Variants in VCAM1 observed in about 807,000 individuals in gnomAD.
VCAM1 encodes the protein vascular cell adhesion molecule 1, also known as vascular cell adhesion protein 1.
Under a neutral mutation model 63.8 loss-of-function variants are expected in VCAM1, and 41 were observed. That is an observed-to-expected ratio of 0.64 (90% CI 0.50 to 0.83). The LOEUF is 0.83. VCAM1 is among the 40% of genes least tolerant of loss of function. VCAM1 has a pLI of 0.00. For synonymous variants in VCAM1, 338 were observed against 320.7 expected, an observed-to-expected ratio of 1.05 and a Z score of -0.58; for missense variants, 798 against 875.5, an observed-to-expected ratio of 0.91 and a Z score of 1.12.
chr1:100,731,633 G>C lies in VCAM1; in HGVS notation c.1525+115G>C. 1 of 978,534 alleles carries C rather than the reference G, an allele frequency of 1.0e-6. No homozygotes were observed. The allele number at this position is 978,534 out of a possible 1,614,324, so 60.6% of individuals were successfully genotyped here. ...ACCTCTGTGGAGAAAAAACGTTACT[G>C]AAAAGAAATTTCAAAATAATGATGA... is the stretch of plus-strand genomic sequence containing the variant. On this transcript the variant is annotated intron_variant, in intron 6 of 8. Transcript: ENST00000294728. This position sits in a 1 kb window ranked among gnomAD's most constrained non-coding sequence, Gnocchi z 4.2.
chr1:100,734,507 C>G lies in VCAM1; in HGVS notation c.1798C>G (p.Pro600Ala), dbSNP rs1457624909. 1.1e-5 allele frequency: 18 copies of G among 1,611,934 alleles called. No individual in the cohort carries two copies. Among genetic ancestry groups the G allele is most frequent in the Non-Finnish European group, 1.4e-5 (17 of 1,179,280 alleles). The change falls in exon 8 of 9, where the codon CCA (proline) becomes GCA (alanine). Residue 600 changes from proline (P) to alanine (A), a missense_variant. By Grantham distance (27) the Pro-to-Ala change is conservative (BLOSUM62 -1). Transcript: ENST00000294728. The part of the protein sequence containing the change: ...KEVELIIQVT[P>A]KDIKLTAFPS... ...CTTTTAAATTCTCTTTACAGTTACTCCAAAAGACATAAAACTTACAGCTTT... is the reference window on the plus strand; with the variant it reads ...CTTTTAAATTCTCTTTACAGTTACTGCAAAAGACATAAAACTTACAGCTTT...
At chr1:100,737,051 T>C (rs1204086455) in intron 8 of VCAM1, 1 of 152,198 alleles carries the variant, frequency 6.6e-6, no homozygotes, top group African/African-American at 2.4e-5. Context: ...AAAGTTAAGA[T>C]GTTAAGCAGT....
chr1:100,734,377 T>G, intron 7 of VCAM1, 125 bp from the exon 8 acceptor site: 2 of 1,080,432 alleles, frequency 1.9e-6, no homozygotes, highest in Non-Finnish European at 2.6e-6. Flanking sequence ...CTTGCCCTTC[T>G]TAACATTTAA....
rs1045653479 is a variant in VCAM1 at position 100,731,039 on chromosome 1, A to G, written c.1205-159A>G. Among the ~76,000 whole-genome samples the G allele has an allele frequency of 6.6e-6, 1 of 152,162 alleles. No individual in the cohort carries two copies. The highest frequency in any genetic ancestry group is 1.5e-5 in the Non-Finnish European group (1 of 68,018). On this transcript the variant is annotated intron_variant, in intron 5 of 8. Transcript: ENST00000294728. This position sits in a 1 kb window ranked among gnomAD's most constrained non-coding sequence, Gnocchi z 4.2. ...ACATTATTCATATATAATATCATAA[A>G]TATGTCATTTATAAATACTGTCATT... is the stretch of plus-strand genomic sequence containing the variant.
intron 8 of VCAM1, chr1:100,735,379 A>C (rs1660612890): frequency 6.5e-6 from 1 of 152,836 alleles, no homozygotes; most frequent in Admixed American, 6.5e-5. Flanking sequence ...TTAATCTCCT[A>C]AGCCCTCTTG....
rs1660098270 is a variant in VCAM1, at chr1:100,724,753, A to G, written c.791A>G (p.Asn264Ser). The change falls in exon 4 of 9, where the codon AAT (asparagine) becomes AGT (serine). Residue 264 changes from asparagine to serine, a missense_variant. Physicochemically the swap from Asn to Ser is conservative, Grantham distance 46. Coordinates refer to ENST00000294728, the MANE Select transcript of VCAM1 (RefSeq NM_001078.4). The stretch of plus-strand genomic sequence containing the variant: ...ATTTTCTGGAGTAAGAAATTAGATA[A>G]TGGGAATCTACAGCACCTTTCTGGA... ...PEIFWSKKLD[N>S]GNLQHLSGNA... 1 of 1,612,962 alleles carries G rather than the reference A, an allele frequency of 6.2e-7. No individual in the cohort carries two copies. Among genetic ancestry groups the G allele is most frequent in the Non-Finnish European group, 8.5e-7 (1 of 1,179,452 alleles).
At chr1:100,730,763 A>G (rs918533215) in intron 5 of VCAM1, among the ~76,000 whole-genome samples, 1 of 152,052 alleles carries the variant, frequency 6.6e-6, no homozygotes, top group Non-Finnish European at 1.5e-5. Context: ...AATAAGTAAT[A>G]CTCATTTTAC....
In VCAM1 at chr1:100,738,571, A is replaced by G. The variant is rs1218885780; in HGVS notation, c.*288A>G. ...ATGTAAAATAAAATTATGCCATAGC[A>G]AGATTGCTTAAAATAGCAACACTCT... On this transcript the variant is annotated 3_prime_UTR_variant, in exon 9 of 9. Transcript: ENST00000294728. 5.2e-6 allele frequency: 1 copy of G among 191,016 alleles called. No homozygotes were observed. Among genetic ancestry groups the G allele is most frequent in the Non-Finnish European group, 1.1e-5 (1 of 93,144 alleles). 11.8% of individuals were successfully genotyped at this position (191,016 alleles called of 1,614,324 possible). A position where few individuals can be genotyped will look rare whatever the true frequency, so the allele number is the denominator to read the frequency against.
chr1:100,719,974 C>T (rs748694342), intron 1 of VCAM1, 50 bp downstream of exon 1: 1 of 1,586,954 alleles, frequency 6.3e-7, no homozygotes, highest in Non-Finnish European at 8.6e-7. Flanking sequence ...CAATTTTAGC[C>T]CTGGTTTTGG....
rs1349474851 is a variant in VCAM1 at position 100,732,458 on chromosome 1, C to A, written c.1566C>A (p.Ser522=). 3 of 1,601,006 alleles carry A rather than the reference C, an allele frequency of 1.9e-6. No individual in the cohort carries two copies. Among genetic ancestry groups the A allele is most frequent in the Admixed American group, 3.5e-5 (2 of 56,942 alleles). ...CAACCGTCTTGGTCAGCCCTTCCTC[C>A]ATCCTGGAGGAAGGCAGTTCTGTGA... is the stretch of plus-strand genomic sequence containing the variant. ...RDTTVLVSPS[S]ILEEGSSVNM... Residue 522 remains serine (S), a synonymous_variant, in exon 7 of 9, where the codon TCC becomes TCA. Transcript: ENST00000294728.
At position 100,731,614 on chromosome 1, in the gene VCAM1, G is replaced by C; in HGVS notation, c.1525+96G>C. The C allele has an allele frequency of 5.0e-6, 6 of 1,205,202 alleles. No homozygotes were observed. The allele number at this position is 1,205,202 out of a possible 1,614,324, so 74.7% of individuals were successfully genotyped here. On this transcript the variant is annotated intron_variant, in intron 6 of 8. Transcript: ENST00000294728. This position sits in a 1 kb window ranked among gnomAD's most constrained non-coding sequence, Gnocchi z 4.2. ...CATAAGGTTAATCGTTAAAACCTCT[G>C]TGGAGAAAAAACGTTACTGAAAAGA...
At chr1:100,720,853 C>T in intron 2 of VCAM1, 102 bp downstream of exon 2, 1 of 1,338,366 alleles carries the variant, frequency 7.5e-7, no homozygotes, top group Non-Finnish European at 1.0e-6. Flanking sequence ...TATTCATGTA[C>T]AGATTCTTGG....
intron 7 of VCAM1, among the ~76,000 whole-genome samples, 174 bp downstream of exon 7, chr1:100,732,858 A>G (rs1660512102): frequency 6.6e-6 from 1 of 152,164 alleles, no homozygotes; most frequent in Non-Finnish European, 1.5e-5. Context: ...GTCTTTTCTC[A>G]TGAATTGTTA....
intron 5 of VCAM1, among the ~76,000 whole-genome samples, chr1:100,729,982 TA>T (rs1660376932): frequency 1.3e-5 from 2 of 152,268 alleles, no homozygotes; most frequent in African/African-American, 4.8e-5. Flanking sequence ...TCTTTTGTCT[TA>T]ATAAACATTC....
intron 4 of VCAM1, among the ~76,000 whole-genome samples, chr1:100,726,104 T>A (rs1235872738): frequency 6.6e-6 from 1 of 151,942 alleles, no homozygotes; most frequent in Admixed American, 6.6e-5. Context: ...ACTCTCTACT[T>A]CTATGACTTT....
chr1:100,735,079 AC>A (rs1484044376), intron 8 of VCAM1: 3 of 271,580 alleles, frequency 1.1e-5, no homozygotes, highest in Non-Finnish European at 2.1e-5. Flanking sequence ...TTATAAGGAA[AC>A]TAAAGAAGTA....
rs1449609504 is a variant in VCAM1, at chr1:100,720,759, C to A, written c.340+8C>A. On this transcript the variant is annotated splice_region_variant and intron_variant, in intron 2 of 8. Coordinates refer to ENST00000294728, the MANE Select transcript of VCAM1 (RefSeq NM_001078.4). Reference sequence around the variant, plus strand: ...TCCAGGTGGAGATCTACTGTGAGTGCTTTAGAAAATCTTTGTTTTTCTCTC... The same window carrying A: ...TCCAGGTGGAGATCTACTGTGAGTGATTTAGAAAATCTTTGTTTTTCTCTC... The A allele has an allele frequency of 6.4e-7, 1 of 1,570,296 alleles. No homozygotes were observed. Among genetic ancestry groups the A allele is most frequent in the South Asian group, 1.2e-5 (1 of 83,798 alleles).
intron 8 of VCAM1, chr1:100,735,091 G>A (rs1660602788): frequency 4.0e-6 from 1 of 247,188 alleles, no homozygotes; most frequent in South Asian, 6.8e-5. Flanking sequence ...TAAAGAAGTA[G>A]GATTGGCACA....
intron 8 of VCAM1, chr1:100,737,148 T>C (rs1306459656): frequency 6.6e-6 from 1 of 152,176 alleles, no homozygotes; most frequent in Non-Finnish European, 1.5e-5. Flanking sequence ...GTACTCCATT[T>C]ACAACTAAGT....
Sources: gnomAD v4.1 joint callset for allele counts (sites outside exome capture counted in the v4.1 genomes callset) on GRCh38, gnomAD v4.1.1 for gene constraint, Gnocchi (gnomAD v3.1) non-coding constraint, MANE v1.5 for transcripts, NCBI Gene and HGNC (gene_info 2026-07-23, HGNC 2026-07-21) for gene names.